CTNND2: variants seen among roughly 807,000 people sequenced by gnomAD.
The protein encoded by CTNND2 is catenin delta-2.
CTNND2 carries 22 observed loss-of-function variants against 144.4 expected under a neutral mutation model. That is an observed-to-expected ratio of 0.15 (90% CI 0.11 to 0.22). The LOEUF (loss-of-function observed/expected upper bound fraction) is 0.22, where lower values mean the gene tolerates loss of function less well. Ranked by LOEUF, CTNND2 falls within the 10% of genes least tolerant of loss-of-function variation. The pLI is 1.00. For missense variants in CTNND2, 1,353 were observed against 1,618.8 expected (o/e 0.84, Z 2.82); for synonymous variants, 751 against 695.6 (o/e 1.08, Z -1.25).
chr5:11,577,481 C>T (rs965716179), intron 2 of CTNND2, among the ~76,000 whole-genome samples: 2 of 152,254 alleles, frequency 1.3e-5, no homozygotes, highest in East Asian at 1.9e-4. Flanking sequence ...AGGAGGGCAA[C>T]GTCACATGCA....
intron 1 of CTNND2, among the ~76,000 whole-genome samples, chr5:11,790,855 T>C (rs1791092630): frequency 6.6e-6 from 1 of 152,202 alleles, no homozygotes. Flanking sequence ...ACAGAATGAA[T>C]GGTATTCCCC....
chr5:11,502,382 A>G (rs1770615496), intron 3 of CTNND2, among the ~76,000 whole-genome samples: 1 of 152,204 alleles, frequency 6.6e-6, no homozygotes, highest in Admixed American at 6.5e-5. Context: ...ACAGAATCCT[A>G]TATAATCCTT....
intron 12 of CTNND2, among the ~76,000 whole-genome samples, chr5:11,122,736 G>C (rs993714299): frequency 1.3e-5 from 2 of 151,958 alleles, no homozygotes; most frequent in African/African-American, 4.8e-5. Flanking sequence ...TGAGGAGTGG[G>C]GTGGGCTGTC....
chr5:11,592,217 A>T (rs531915153), intron 2 of CTNND2, among the ~76,000 whole-genome samples: 180 of 122,766 alleles, frequency 1.5e-3, no homozygotes, highest in East Asian at 3.1e-3. Flanking sequence ...CCTTTCTTCC[A>T]GTCTGCCTTC....
At chr5:11,723,723 C>T (rs1786828095) in intron 2 of CTNND2, among the ~76,000 whole-genome samples, 1 of 152,186 alleles carries the variant, frequency 6.6e-6, no homozygotes, top group Non-Finnish European at 1.5e-5. Context: ...GACAAGGCCA[C>T]ATCCCCATCC....
chr5:11,529,447 T>G (rs1456138119), intron 3 of CTNND2, among the ~76,000 whole-genome samples: 2 of 152,224 alleles, frequency 1.3e-5, no homozygotes, highest in Non-Finnish European at 2.9e-5. Flanking sequence ...AAATACACAC[T>G]GTGGTTCTAC....
intron 2 of CTNND2, among the ~76,000 whole-genome samples, chr5:11,727,228 C>T (rs1787072228): frequency 1.3e-5 from 2 of 152,192 alleles, no homozygotes; most frequent in Admixed American, 1.3e-4. Flanking sequence ...TTCCTTCATA[C>T]ATGAACTTCA....
At chr5:11,669,391 C>T (rs1206560742) in intron 2 of CTNND2, among the ~76,000 whole-genome samples, 4 of 152,092 alleles carry the variant, frequency 2.6e-5, no homozygotes, top group Non-Finnish European at 5.9e-5. Context: ...CCATCTGGTC[C>T]TGGACTTTTT....
intron 18 of CTNND2, among the ~76,000 whole-genome samples, chr5:11,010,315 T>A (rs913352823): frequency 6.6e-6 from 1 of 152,238 alleles, no homozygotes; most frequent in African/African-American, 2.4e-5. Flanking sequence ...GTAGAATCTA[T>A]TAATTCTCAA....
chr5:11,150,062 G>T (rs1473491099), intron 12 of CTNND2, among the ~76,000 whole-genome samples: 1 of 152,200 alleles, frequency 6.6e-6, no homozygotes, highest in African/African-American at 2.4e-5. Flanking sequence ...CAGAGAGGCA[G>T]ACAGGGGCCC....
intron 9 of CTNND2, among the ~76,000 whole-genome samples, chr5:11,285,189 C>G (rs1747599481): frequency 6.6e-6 from 1 of 152,184 alleles, no homozygotes; most frequent in Non-Finnish European, 1.5e-5. Context: ...GTTAGATTAG[C>G]AAAGAACCAT....
chr5:11,348,262 C>T (rs552881489), intron 8 of CTNND2, among the ~76,000 whole-genome samples: 104 of 151,998 alleles, frequency 6.8e-4, no homozygotes, highest in African/African-American at 2.4e-3. Context: ...AAAGTATTAC[C>T]AGCATGTGTA....
intron 1 of CTNND2, among the ~76,000 whole-genome samples, chr5:11,895,876 G>C (rs557102388): frequency 1.3e-5 from 2 of 152,092 alleles, no homozygotes; most frequent in Non-Finnish European, 2.9e-5. Flanking sequence ...TATTAATAGA[G>C]AAGCAAATGA....
At chr5:11,396,665 C>T (rs769102750) in intron 6 of CTNND2, among the ~76,000 whole-genome samples, 1 of 152,060 alleles carries the variant, frequency 6.6e-6, no homozygotes, top group Non-Finnish European at 1.5e-5. Context: ...ACACAATACT[C>T]AGTATTTTTT....
At chr5:11,328,595 T>G (rs1202381353) in intron 9 of CTNND2, among the ~76,000 whole-genome samples, 1 of 152,198 alleles carries the variant, frequency 6.6e-6, no homozygotes, top group African/African-American at 2.4e-5. Flanking sequence ...CATGAGCCAT[T>G]GCGTCCAATC....
chr5:11,180,042 A>T (rs1213576126), intron 11 of CTNND2, among the ~76,000 whole-genome samples: 1 of 152,174 alleles, frequency 6.6e-6, no homozygotes, highest in African/African-American at 2.4e-5. Context: ...AACAGGGTTG[A>T]TATGGTTTGC....
intron 16 of CTNND2, among the ~76,000 whole-genome samples, chr5:11,035,330 G>C (rs1167119449): frequency 6.6e-6 from 1 of 152,170 alleles, no homozygotes; most frequent in African/African-American, 2.4e-5. Flanking sequence ...CCAGTTCCTA[G>C]AGGCCACCTG....
chr5:11,855,635 G>C (rs985437211), intron 1 of CTNND2, among the ~76,000 whole-genome samples: 19 of 152,312 alleles, frequency 1.2e-4, no homozygotes, highest in African/African-American at 4.1e-4. Flanking sequence ...AGATTATTCA[G>C]AGATTAAGTG....
At chr5:11,500,258 A>C (rs546819255) in intron 3 of CTNND2, among the ~76,000 whole-genome samples, 30 of 152,194 alleles carry the variant, frequency 2.0e-4, no homozygotes, top group Non-Finnish European at 4.0e-4. Context: ...TATGCATGGG[A>C]GTGTCTGGCA....
Sources: allele counts gnomAD v4.1 joint callset (sites outside exome capture counted in the v4.1 genomes callset), GRCh38; gene constraint gnomAD v4.1.1; transcripts MANE v1.5; gene names NCBI Gene and HGNC (gene_info 2026-07-23, HGNC 2026-07-21).